Variants in PTBP3 observed in about 807,000 individuals in gnomAD.
PTBP3 encodes the protein polypyrimidine tract-binding protein 3.
PTBP3 carries 20 observed loss-of-function variants against 58.7 expected under a neutral mutation model. The ratio of observed to expected loss-of-function variants is 0.34; its 90% CI spans 0.24 to 0.50. The LOEUF is 0.50. Ranked by LOEUF, PTBP3 falls within the 20% of genes least tolerant of loss-of-function variation. The probability of loss-of-function intolerance (pLI) is 0.98; values close to 1 mark genes in which losing one functional copy is unlikely to be tolerated. For synonymous variants in PTBP3, 185 were observed against 219.8 expected (o/e 0.84, Z 1.40); for missense variants, 509 against 637.2 (o/e 0.80, Z 2.17).
rs566861188 is a variant in PTBP3, at chr9:112,314,739, G to A, written c.-51-16823C>T. Among the ~76,000 whole-genome samples, 9 of 152,028 alleles carry A rather than the reference G, an allele frequency of 5.9e-5. No individual in the cohort carries two copies. The South Asian group carries it at 1.9e-3, about 32-fold the overall frequency. ...AGAAATACACAAATCTACAATTGCG[G>A]ACAGAAATTTCAATATTTCTCTTCT... On this transcript the variant is annotated intron_variant, in intron 1 of 13. Transcript: ENST00000374257.
chr9:112,309,364 T>C (rs779680742), intron 1 of PTBP3, among the ~76,000 whole-genome samples: 1 of 152,216 alleles, frequency 6.6e-6, no homozygotes, highest in East Asian at 1.9e-4. Context: ...GATATTGATA[T>C]GGAGTTTCAC....
Position 112,223,612 on chromosome 9 carries a change from C to A in PTBP3, c.*239G>T. 8.3e-7 allele frequency: 1 copy of A among 1,205,466 alleles called. No individual in the cohort carries two copies. The highest frequency in any genetic ancestry group is 1.0e-6 in the Non-Finnish European group (1 of 961,626). The allele number at this position is 1,205,466 out of a possible 1,614,324, so 74.7% of individuals were successfully genotyped here. A position where few individuals can be genotyped will look rare whatever the true frequency, so the allele number is the denominator to read the frequency against. On this transcript the variant is annotated 3_prime_UTR_variant, in exon 14 of 14. Coordinates refer to ENST00000374257, the MANE Select transcript of PTBP3 (RefSeq NM_001163788.4). ...GAAAAAAAATTTTTTTCCTGATTTT[C>A]TTTTTCCTGAAGGTTATTTTTGTAG...
intron 2 of PTBP3, among the ~76,000 whole-genome samples, chr9:112,295,057 T>C (rs774894922): frequency 1.3e-5 from 2 of 152,036 alleles, no homozygotes; most frequent in Non-Finnish European, 2.9e-5. Flanking sequence ...CTGGCCAACA[T>C]GGTGAAACCC....
Position 112,223,481 on chromosome 9 carries a change from A to T in PTBP3, c.*370T>A. 1 of 913,570 alleles carries T rather than the reference A, an allele frequency of 1.1e-6. No homozygotes were observed. The highest frequency in any genetic ancestry group is 1.3e-6 in the Non-Finnish European group (1 of 761,654). The allele number at this position is 913,570 out of a possible 1,614,324, so 56.6% of individuals were successfully genotyped here. A position where few individuals can be genotyped will look rare whatever the true frequency, so the allele number is the denominator to read the frequency against. Reference sequence around the variant, plus strand: ...TTAGAAGTCTGTGTTTAAATTTTTTAAAAGTACAAATGAGTTTAGAAATGT... The same window carrying T: ...TTAGAAGTCTGTGTTTAAATTTTTTTAAAGTACAAATGAGTTTAGAAATGT... On this transcript the variant is annotated 3_prime_UTR_variant, in exon 14 of 14. Transcript: ENST00000374257.
Position 112,234,785 on chromosome 9 carries a change from TAA to T in PTBP3, c.880+33_880+34del. On this transcript the variant is annotated intron_variant, in intron 8 of 13. Coordinates refer to ENST00000374257, the MANE Select transcript of PTBP3 (RefSeq NM_001163788.4). The stretch of plus-strand genomic sequence containing the variant: ...GTTCCTAGAAAATATACAACTTCAT[TAA>T]AAGTCATTTCAAATCCAACTTAAAA... 3 of 1,558,008 alleles carry T rather than the reference TAA, an allele frequency of 1.9e-6. No individual in the cohort carries two copies. In the South Asian group the frequency reaches 3.4e-5, roughly 17 times the overall value.
In PTBP3 at chr9:112,223,424, T is replaced by A; in HGVS notation, c.*427A>T. 2.2e-6 allele frequency: 2 copies of A among 923,346 alleles called. No individual in the cohort carries two copies. The highest frequency in any genetic ancestry group is 3.6e-5 in the African/African-American group (2 of 55,728). The allele number at this position is 923,346 out of a possible 1,614,324, so 57.2% of individuals were successfully genotyped here. ...ATTCATAAGGTTAATAACTTGGTCATAAGTGATTTAAATTACTTACATCAA... is the reference window on the plus strand; with the variant it reads ...ATTCATAAGGTTAATAACTTGGTCAAAAGTGATTTAAATTACTTACATCAA... On this transcript the variant is annotated 3_prime_UTR_variant, in exon 14 of 14. Transcript: ENST00000374257.
intron 1 of PTBP3, among the ~76,000 whole-genome samples, chr9:112,306,608 T>A (rs201185843): frequency 9.2e-3 from 474 of 51,254 alleles, no homozygotes; most frequent in African/African-American, 0.017. Context: ...ATATATATTT[T>A]TGTTTGTTTG....
intron 1 of PTBP3, among the ~76,000 whole-genome samples, chr9:112,313,576 T>C (rs1206729293): frequency 2.0e-5 from 3 of 152,188 alleles, no homozygotes; most frequent in African/African-American, 7.2e-5. Context: ...ACCGGAATCA[T>C]CTCAAGGCTT....
At chr9:112,285,025 A>C (rs1193621493) in intron 2 of PTBP3, among the ~76,000 whole-genome samples, 3 of 114,650 alleles carry the variant, frequency 2.6e-5, no homozygotes, top group South Asian at 7.0e-4. Context: ...AAATGGAAAA[A>C]GGATGTGAAA....
chr9:112,256,212 C>A (rs1006631660), intron 5 of PTBP3, among the ~76,000 whole-genome samples: 5 of 148,272 alleles, frequency 3.4e-5, no homozygotes, highest in Admixed American at 2.7e-4. Flanking sequence ...TGAAATCGGG[C>A]CATTGCACTC....
At chr9:112,240,609 C>G (rs936619179) in intron 7 of PTBP3, among the ~76,000 whole-genome samples, 1 of 149,530 alleles carries the variant, frequency 6.7e-6, no homozygotes, top group Non-Finnish European at 1.5e-5. Flanking sequence ...ATATACTATA[C>G]TATACTTTTT....
chr9:112,289,359 C>G (rs1479204436), intron 2 of PTBP3, among the ~76,000 whole-genome samples: 2 of 151,924 alleles, frequency 1.3e-5, no homozygotes, highest in African/African-American at 2.4e-5. Flanking sequence ...AAATTTAATA[C>G]TGAGTTCTTT....
chr9:112,333,335 T>A (rs1830460959), intron 1 of PTBP3, 135 bp downstream of exon 1: 2 of 1,097,540 alleles, frequency 1.8e-6, no homozygotes, highest in Non-Finnish European at 2.4e-6. Context: ...AGCCCCGCCG[T>A]CGGGCTTGGC....
At chr9:112,336,141 T>C (rs1006570573), upstream of PTBP3, among the ~76,000 whole-genome samples, 1 of 152,130 alleles carries the variant, frequency 6.6e-6, no homozygotes. Flanking sequence ...CCCAAAGTGC[T>C]GGGATTATAG....
In PTBP3 at chr9:112,330,533, AAGAC is replaced by A. The variant is rs1830327312; in HGVS notation, c.-52+2933_-52+2936del. The A allele has an allele frequency of 5.9e-6, 7 of 1,187,018 alleles. No individual in the cohort carries two copies. The Admixed American group carries it at 6.8e-5, about 12-fold the overall frequency. 73.5% of individuals were successfully genotyped at this position (1,187,018 alleles called of 1,614,324 possible). On this transcript the variant is annotated intron_variant, in intron 1 of 13. Transcript: ENST00000374257. ...ACAAAGTTAGAGAACAAGTTTTTAAAAGACAGAGATAGTAAGAATAAAGGGGAAA... is the reference window on the plus strand; with the variant it reads ...ACAAAGTTAGAGAACAAGTTTTTAAAAGAGATAGTAAGAATAAAGGGGAAA...
intron 1 of PTBP3, among the ~76,000 whole-genome samples, chr9:112,315,448 T>C (rs115730374): frequency 1.5e-4 from 23 of 151,998 alleles, no homozygotes; most frequent in African/African-American, 5.3e-4. Flanking sequence ...CCCAGCCATA[T>C]CAAAAGTTGT....
intron 5 of PTBP3, among the ~76,000 whole-genome samples, chr9:112,261,449 T>G (rs992106694): frequency 6.6e-6 from 1 of 152,216 alleles, no homozygotes; most frequent in African/African-American, 2.4e-5. Flanking sequence ...ATTCGTAAAA[T>G]GTGAGCCTAG....
upstream of PTBP3, among the ~76,000 whole-genome samples, chr9:112,336,003 A>T (rs186130173): frequency 5.9e-5 from 9 of 151,982 alleles, no homozygotes; most frequent in Admixed American, 5.9e-4. Flanking sequence ...CCTCTGGAGT[A>T]GCTGGGATTA....
In PTBP3 at chr9:112,220,646, C is replaced by T. The variant is rs1026166672; in HGVS notation, c.*3205G>A. 46 of 993,156 alleles carry T rather than the reference C, an allele frequency of 4.6e-5. No individual in the cohort carries two copies. Among genetic ancestry groups the T allele is most frequent in the Admixed American group, 1.2e-4 (2 of 16,910 alleles). 61.5% of individuals were successfully genotyped at this position (993,156 alleles called of 1,614,324 possible). Reference sequence around the variant, plus strand: ...ATTCTGTAAGAGCTGCTGGGTAATTCTGATACTCTCCAGTAAGTATCAATT... The same window carrying T: ...ATTCTGTAAGAGCTGCTGGGTAATTTTGATACTCTCCAGTAAGTATCAATT... On this transcript the variant is annotated 3_prime_UTR_variant, in exon 14 of 14. Coordinates refer to ENST00000374257, the MANE Select transcript of PTBP3 (RefSeq NM_001163788.4).
Sources: gnomAD v4.1 joint callset for allele counts (sites outside exome capture counted in the v4.1 genomes callset) on GRCh38, gnomAD v4.1.1 for gene constraint, MANE v1.5 for transcripts, NCBI Gene and HGNC (gene_info 2026-07-23, HGNC 2026-07-21) for gene names.